MAP7D3: variants seen among roughly 807,000 people sequenced by gnomAD.
The protein encoded by MAP7D3 is MAP7 domain-containing protein 3.
A neutral mutation model predicts 62.2 loss-of-function variants in MAP7D3; 45 were observed. That is an observed-to-expected ratio of 0.72 (90% CI 0.57 to 0.93). The LOEUF (loss-of-function observed/expected upper bound fraction) is 0.93. Ranked by LOEUF, MAP7D3 falls within the 40% of genes least tolerant of loss-of-function variation. The pLI is 0.00. For missense variants in MAP7D3, 711 were observed against 683.1 expected (o/e 1.04, Z -0.45); for synonymous variants, 288 against 248.8 (o/e 1.16, Z -1.48).
chrX:136,236,143 T>C (rs1188397916), intron 7 of MAP7D3, 101 bp downstream of exon 7: 1 of 521,621 alleles, frequency 1.9e-6, no homozygotes, highest in East Asian at 3.7e-5. Flanking sequence ...AAGGAATATT[T>C]TGGCTTCCAA....
In MAP7D3 at chrX:136,228,606, G is replaced by A. The variant is rs2273220; in HGVS notation, c.1886+17C>T. On this transcript the variant is annotated intron_variant, in intron 11 of 18. Transcript: ENST00000316077. ...CACTCAAGATTTATAGTATAGGAAG[G>A]AAGACTTTGTGCTGACCTTTGCTGC... 0.13 allele frequency: 159,755 copies of A among 1,193,208 alleles called. 10,552 individuals are homozygous for A. Among genetic ancestry groups the A allele is most frequent in the East Asian group, 0.58 (18,945 of 32,777 alleles).
rs964313992 is a variant in MAP7D3, at chrX:136,218,076, A to C, written c.*450T>G. 1.8e-5 allele frequency: 2 copies of C among 110,936 alleles called. No individual in the cohort carries two copies. The highest frequency in any genetic ancestry group is 3.8e-5 in the Non-Finnish European group (2 of 52,904). The allele number at this position is 110,936 out of a possible 1,213,427, so 9.1% of individuals were successfully genotyped here. A position where few individuals can be genotyped will look rare whatever the true frequency, so the allele number is the denominator to read the frequency against. ...TCTCAAAAAAAAAAAAAAGAAAAAG[A>C]AAAAGAAAAAGCATTACTTTAAGAT... On this transcript the variant is annotated 3_prime_UTR_variant, in exon 19 of 19. Coordinates refer to ENST00000316077, the MANE Select transcript of MAP7D3 (RefSeq NM_024597.4).
At chrX:136,249,053 T>C (rs778246890) in intron 1 of MAP7D3, among the ~76,000 whole-genome samples, 2 of 112,100 alleles carry the variant, frequency 1.8e-5, no homozygotes, top group South Asian at 7.4e-4. Flanking sequence ...AAACCAAAGA[T>C]AGCATGTCTT....
At chrX:136,251,655 C>A, upstream of MAP7D3, 1 of 505,104 alleles carries the variant, frequency 2.0e-6, no homozygotes, top group Non-Finnish European at 2.5e-6. Flanking sequence ...CCCAGCTTGG[C>A]CCCCCCAACA....
chrX:136,247,102 T>C (rs1255921158), intron 1 of MAP7D3, among the ~76,000 whole-genome samples: 1 of 112,307 alleles, frequency 8.9e-6, no homozygotes, highest in Admixed American at 9.4e-5. Context: ...CAAATATAAA[T>C]TATACAAGGT....
intron 7 of MAP7D3, among the ~76,000 whole-genome samples, chrX:136,233,277 A>ATTT (rs5903913): frequency 2.0e-5 from 2 of 98,981 alleles, no homozygotes; most frequent in Non-Finnish European, 2.0e-5. Context: ...TAAACGATTA[A>ATTT]TTTTTTTTTT....
rs1433539484 is a variant in MAP7D3, at chrX:136,225,895, C to G, written c.2139+14G>C. The G allele has an allele frequency of 2.8e-6, 3 of 1,078,571 alleles. No homozygotes were observed. The highest frequency in any genetic ancestry group is 3.7e-5 in the African/African-American group (2 of 54,139). The allele number at this position is 1,078,571 out of a possible 1,213,427, so 88.9% of individuals were successfully genotyped here. On this transcript the variant is annotated intron_variant, in intron 13 of 18. Coordinates refer to ENST00000316077, the MANE Select transcript of MAP7D3 (RefSeq NM_024597.4). ...AAACACAGAATCAAGTCCCCCCAAA[C>G]AGAGAGCGAGTACCTTTTTCCTTTC...
In MAP7D3 at chrX:136,227,251, C is replaced by T; in HGVS notation, c.2034+33G>A. On this transcript the variant is annotated intron_variant, in intron 12 of 18. Transcript: ENST00000316077. ...TCCATCTGAACTTTATAATCTGGTT[C>T]TCATCCCCTGATAAAGTGTCAAGTC... is the stretch of plus-strand genomic sequence containing the variant. The T allele has an allele frequency of 2.5e-6, 3 of 1,194,732 alleles. No individual in the cohort carries two copies. The South Asian group carries it at 5.4e-5, about 21-fold the overall frequency.
chrX:136,232,094 T>C lies in MAP7D3; in HGVS notation c.863A>G (p.Glu288Gly), dbSNP rs2074278117. The change falls in exon 8 of 19, where the codon GAA becomes GGA. Residue 288 changes from glutamate to glycine, a missense_variant. Coordinates refer to ENST00000316077, the MANE Select transcript of MAP7D3 (RefSeq NM_024597.4). ...CTCTACTTTCTCCAAGGGAGACTCT[T>C]CTACTTTTGTTTGAGGAGGTATTTT... ...TMKIPPQTKV[E>G]ESPLEKVETP... The C allele has an allele frequency of 8.3e-7, 1 of 1,208,648 alleles. No individual in the cohort carries two copies. The highest frequency in any genetic ancestry group is 2.2e-5 in the Admixed American group (1 of 45,814).
chrX:136,228,470 T>C (rs1305230034), intron 11 of MAP7D3, among the ~76,000 whole-genome samples, 153 bp downstream of exon 11: 1 of 111,882 alleles, frequency 8.9e-6, no homozygotes, highest in African/African-American at 3.2e-5. Flanking sequence ...GGGCTTGAAA[T>C]GCTTCCTATG....
chrX:136,239,824 T>C (rs1431850394), intron 6 of MAP7D3, among the ~76,000 whole-genome samples: 2 of 112,531 alleles, frequency 1.8e-5, no homozygotes, highest in Non-Finnish European at 3.7e-5. Context: ...TGGCAGTGTC[T>C]TTTGACCAAA....
intron 3 of MAP7D3, among the ~76,000 whole-genome samples, chrX:136,245,745 T>TCAAAA (rs927514704): frequency 9.1e-6 from 1 of 109,334 alleles, no homozygotes. Flanking sequence ...AGACTCCGCC[T>TCAAAA]CAAAACAAAA....
intron 15 of MAP7D3, among the ~76,000 whole-genome samples, chrX:136,221,605 G>A (rs555011614): frequency 2.6e-4 from 29 of 112,595 alleles, no homozygotes; most frequent in Non-Finnish European, 4.3e-4. Context: ...GATTACAGGC[G>A]TGAGCCACTG....
chrX:136,232,034 T>G lies in MAP7D3; in HGVS notation c.923A>C (p.Gln308Pro). 1 of 1,210,809 alleles carries G rather than the reference T, an allele frequency of 8.3e-7. No homozygotes were observed. The highest frequency in any genetic ancestry group is 1.1e-6 in the Non-Finnish European group (1 of 894,737). The change falls in exon 8 of 19, where the codon CAG becomes CCG. Residue 308 changes from glutamine to proline, a missense_variant. Gln to Pro is a moderately conservative substitution (Grantham distance 76). Coordinates refer to ENST00000316077, the MANE Select transcript of MAP7D3 (RefSeq NM_024597.4). ...GTTGCAGAATACTTCCACATTCACC[T>G]GGGGGGGTGCATCCACACTTGCCTT... ...PPKASVDAPPQVNVEVFCNTS... is the reference protein window; with the variant it reads ...PPKASVDAPPPVNVEVFCNTS...
chrX:136,214,698 G>T (rs1272804141), downstream of MAP7D3: 3 of 112,062 alleles, frequency 2.7e-5, no homozygotes, highest in East Asian at 8.4e-4. Context: ...CATTCTTGTG[G>T]TTTTTAGGGA....
chrX:136,220,868 T>C lies in MAP7D3; in HGVS notation c.2383A>G (p.Thr795Ala), dbSNP rs1289783890. Residue 795 changes from threonine to alanine, a missense_variant, in exon 16 of 19, where the codon ACC becomes GCC. Thr to Ala is a moderately conservative substitution (Grantham distance 58, BLOSUM62 0). Coordinates refer to ENST00000316077, the MANE Select transcript of MAP7D3 (RefSeq NM_024597.4). ...THKLVFLEDG[T>A]SQVRKEPKTY... ...TTTGGCTCTTTACGGACCTGGCTGG[T>C]ACCATCTTCTAGAAATACCAGCTTG... is the stretch of plus-strand genomic sequence containing the variant. The C allele has an allele frequency of 1.7e-6, 2 of 1,204,530 alleles. No homozygotes were observed. The highest frequency in any genetic ancestry group is 2.3e-6 in the Non-Finnish European group (2 of 888,700).
intron 6 of MAP7D3, among the ~76,000 whole-genome samples, chrX:136,236,925 G>A (rs1487271525): frequency 8.9e-6 from 1 of 112,397 alleles, no homozygotes; most frequent in Non-Finnish European, 1.9e-5. Context: ...ATTGATAGCT[G>A]TAGCATCTGA....
rs748454349 is a variant in MAP7D3 at position 136,247,612 on chromosome X, C to T, written c.71-1271G>A. On this transcript the variant is annotated intron_variant, in intron 1 of 18. Transcript: ENST00000316077. Reference sequence around the variant, plus strand: ...ACCATTTTTTTTTTTTTTTTTTACCCCAGAGGCCGAACAGCCCAGATAATA... The same window carrying T: ...ACCATTTTTTTTTTTTTTTTTTACCTCAGAGGCCGAACAGCCCAGATAATA... Among the ~76,000 whole-genome samples, 8 of 106,835 alleles carry T rather than the reference C, an allele frequency of 7.5e-5. No individual in the cohort carries two copies. The South Asian group carries it at 1.3e-3, about 17-fold the overall frequency. The allele number at this position is 106,835 out of a possible 115,157, so 92.8% of individuals were successfully genotyped here.
chrX:136,241,059 T>C (rs2074384220), intron 5 of MAP7D3, 101 bp downstream of exon 5: 2 of 493,316 alleles, frequency 4.1e-6, no homozygotes, highest in South Asian at 5.7e-5. Context: ...TTGTTTAGGA[T>C]ACAAACACTA....
Sources: allele counts gnomAD v4.1 joint callset (sites outside exome capture counted in the v4.1 genomes callset), GRCh38; gene constraint gnomAD v4.1.1; transcripts MANE v1.5; gene names NCBI Gene and HGNC (gene_info 2026-07-23, HGNC 2026-07-21).